Variants in EXOC4 observed in about 807,000 individuals in gnomAD.
EXOC4 encodes exocyst complex component 4, also known as SEC8-like 1.
EXOC4 carries 71 observed loss-of-function variants against 107.2 expected under a neutral mutation model. That is an observed-to-expected ratio of 0.66 (90% confidence interval 0.55 to 0.81). The LOEUF is 0.81. Ranked by LOEUF, EXOC4 falls within the 30% of genes least tolerant of loss-of-function variation. The probability of loss-of-function intolerance (pLI) is 0.00; values close to 1 mark genes in which losing one functional copy is unlikely to be tolerated. For missense variants in EXOC4, 1,108 were observed against 1,189.6 expected, an observed-to-expected ratio of 0.93 and a Z score of 1.01; for synonymous variants, 456 against 441.2, an observed-to-expected ratio of 1.03 and a Z score of -0.42.
chr7:133,769,297 T>C (rs943313720), intron 10 of EXOC4, among the ~76,000 whole-genome samples: 4 of 151,960 alleles, frequency 2.6e-5, no homozygotes, highest in African/African-American at 9.7e-5. Flanking sequence ...TTTTAAGTGT[T>C]GAAAGCTGGG....
intron 6 of EXOC4, 43 bp from the exon 7 acceptor site, chr7:133,374,785 G>A (rs368348992): frequency 2.4e-5 from 37 of 1,531,768 alleles, no homozygotes; most frequent in African/African-American, 5.5e-5. Flanking sequence ...ATTTATCTGC[G>A]TGTACGTATG....
intron 17 of EXOC4, among the ~76,000 whole-genome samples, chr7:134,017,875 T>A (rs1794945103): frequency 6.6e-6 from 1 of 152,204 alleles, no homozygotes; most frequent in African/African-American, 2.4e-5. Context: ...ATATATATAT[T>A]GTCAATGTAT....
downstream of EXOC4, among the ~76,000 whole-genome samples, chr7:134,068,962 GC>G (rs2116660084): frequency 6.6e-6 from 1 of 151,702 alleles, no homozygotes; most frequent in Non-Finnish European, 1.5e-5. Flanking sequence ...AAAAGAAACA[GC>G]CCCTTGTGAC....
At chr7:133,534,691 G>A (rs1800241273) in intron 9 of EXOC4, among the ~76,000 whole-genome samples, 1 of 152,074 alleles carries the variant, frequency 6.6e-6, no homozygotes, top group Non-Finnish European at 1.5e-5. Flanking sequence ...AAGTCAATCA[G>A]GCCAAATCAA....
rs184632635 is a variant in EXOC4, at chr7:133,624,884, C to T, written c.1418-5161C>T. 9.1e-3 allele frequency among the ~76,000 whole-genome samples: 1,289 copies of T among 141,552 alleles called. 11 individuals carry two copies. Among genetic ancestry groups the T allele is most frequent in the Non-Finnish European group, 0.015 (977 of 65,698 alleles). 92.9% of individuals were successfully genotyped at this position (141,552 alleles called of 152,430 possible). A position where few individuals can be genotyped will look rare whatever the true frequency, so the allele number is the denominator to read the frequency against. ...CTGGGATTACAGGTGTGAGCCACCG[C>T]GCCCAGCCTGACCTCATCTCTTATA... On this transcript the variant is annotated intron_variant, in intron 9 of 17. Transcript: ENST00000253861.
chr7:133,462,698 T>A (rs1798622967), intron 7 of EXOC4, among the ~76,000 whole-genome samples: 1 of 152,192 alleles, frequency 6.6e-6, no homozygotes, highest in Non-Finnish European at 1.5e-5. Context: ...TTTTCCCTGG[T>A]ACCTGATGTA....
At chr7:133,653,275 C>T (rs1398594726) in intron 10 of EXOC4, among the ~76,000 whole-genome samples, 2 of 152,086 alleles carry the variant, frequency 1.3e-5, no homozygotes, top group Non-Finnish European at 2.9e-5. Context: ...GGTTTGTAAT[C>T]CAAAACCATA....
rs377347660 is a variant in EXOC4 at position 133,771,162 on chromosome 7, G to A, written c.1515-46163G>A. 1.2e-4 allele frequency: 18 copies of A among 152,082 alleles called. No individual in the cohort carries two copies. In the East Asian group the frequency reaches 3.1e-3, roughly 26 times the overall value. The allele number at this position is 152,082 out of a possible 1,614,324, so 9.4% of individuals were successfully genotyped here. On this transcript the variant is annotated intron_variant, in intron 10 of 17. Coordinates refer to ENST00000253861, the MANE Select transcript of EXOC4 (RefSeq NM_021807.4). ...AGAGAATCTGGGGAGGGTATACATG[G>A]AAGACAGGACTGGAAAGGCAAGTTG...
chr7:133,866,838 C>T (rs954437082), intron 11 of EXOC4, among the ~76,000 whole-genome samples: 1 of 152,192 alleles, frequency 6.6e-6, no homozygotes, highest in Non-Finnish European at 1.5e-5. Flanking sequence ...ATCAAGCTAA[C>T]TAACACATCC....
At chr7:133,463,457 G>A (rs144553524) in intron 7 of EXOC4, among the ~76,000 whole-genome samples, 2 of 152,160 alleles carry the variant, frequency 1.3e-5, no homozygotes, top group African/African-American at 4.8e-5. Context: ...ACAAGCAATG[G>A]CAGTGTATCT....
the EXOC4 span, among the ~76,000 whole-genome samples, chr7:134,091,037 A>C: frequency 1.3e-5 from 2 of 151,996 alleles, no homozygotes; most frequent in African/African-American, 4.8e-5. Flanking sequence ...AGTTGAGATT[A>C]GGGGGTCTCT....
At chr7:134,047,028 A>G (rs1191693523) in intron 17 of EXOC4, among the ~76,000 whole-genome samples, 1 of 152,180 alleles carries the variant, frequency 6.6e-6, no homozygotes, top group Non-Finnish European at 1.5e-5. Flanking sequence ...GGTGTGATCA[A>G]ATTGGTACTG....
chr7:133,804,753 G>C (rs544196446), intron 10 of EXOC4, among the ~76,000 whole-genome samples: 2 of 152,270 alleles, frequency 1.3e-5, no homozygotes, highest in East Asian at 3.9e-4. Flanking sequence ...TTGAGAAAAG[G>C]ACTAGGTTTT....
rs774798213 is a variant in EXOC4, at chr7:133,630,086, T to G, written c.1459T>G (p.Phe487Val). ...DNLIEGGGTK[F>V]VCKPGARNIT... ...CTTAATTGAAGGTGGAGGAACAAAA[T>G]TTGTCTGCAAACCTGGAGCCAGAAA... Residue 487 changes from phenylalanine to valine, a missense_variant, in exon 10 of 18, where the codon TTT becomes GTT. By Grantham distance (50) the Phe-to-Val change is conservative. Coordinates refer to ENST00000253861, the MANE Select transcript of EXOC4 (RefSeq NM_021807.4). The G allele has an allele frequency of 6.2e-7, 1 of 1,613,962 alleles. No homozygotes were observed. The highest frequency in any genetic ancestry group is 8.5e-7 in the Non-Finnish European group (1 of 1,179,920).
rs529466475 is a variant in EXOC4 at position 133,570,117 on chromosome 7, G to T, written c.1418-59928G>T. ...TTTGACAGTTCAAATTTGGTATACA[G>T]AAGTTAGCAGTGTCAATATATAATG... On this transcript the variant is annotated intron_variant, in intron 9 of 17. Coordinates refer to ENST00000253861, the MANE Select transcript of EXOC4 (RefSeq NM_021807.4). Among the ~76,000 whole-genome samples, 47 of 152,320 alleles carry T rather than the reference G, an allele frequency of 3.1e-4. 2 individuals carry two copies. The South Asian group carries it at 5.6e-3, about 18-fold the overall frequency.
At chr7:133,293,032 A>G (rs1349269985) in intron 3 of EXOC4, among the ~76,000 whole-genome samples, 1 of 152,218 alleles carries the variant, frequency 6.6e-6, no homozygotes, top group Non-Finnish European at 1.5e-5. Context: ...AATAGCTAAT[A>G]TGTATTGAGC....
At position 133,705,432 on chromosome 7, in the gene EXOC4, A is replaced by G. The variant is rs112744717; in HGVS notation, c.1514+75291A>G. Among the ~76,000 whole-genome samples the G allele has an allele frequency of 2.4e-3, 373 of 152,364 alleles. 1 individual carries two copies. Among genetic ancestry groups the G allele is most frequent in the South Asian group, 0.013 (64 of 4,832 alleles). ...AAATTATAAATGTACTGGAACTGCT[A>G]GTTAAATTCTGTCTGCTTCTAGTAG... On this transcript the variant is annotated intron_variant, in intron 10 of 17. Transcript: ENST00000253861.
intron 7 of EXOC4, among the ~76,000 whole-genome samples, chr7:133,404,727 G>GTGAAA (rs1797172704): frequency 6.6e-6 from 1 of 151,962 alleles, no homozygotes; most frequent in African/African-American, 2.4e-5. Context: ...TGAATAAGAG[G>GTGAAA]TGAAATGAAA....
chr7:133,581,642 C>T (rs964749715), intron 9 of EXOC4, among the ~76,000 whole-genome samples: 5 of 150,888 alleles, frequency 3.3e-5, no homozygotes, highest in Non-Finnish European at 7.4e-5. Context: ...CCTGTAATCC[C>T]AGCTACTCGG....
Sources: gnomAD v4.1 joint callset for allele counts (sites outside exome capture counted in the v4.1 genomes callset) on GRCh38, gnomAD v4.1.1 for gene constraint, MANE v1.5 for transcripts, NCBI Gene and HGNC (gene_info 2026-07-23, HGNC 2026-07-21) for gene names.